The following SYS1 variants were observed in gnomAD, a reference collection of about 807,000 sequenced individuals.
SYS1 encodes the protein SYS1 golgi trafficking protein, also known as protein SYS1 homolog.
SYS1 carries 8 observed loss-of-function variants against 17.8 expected under a neutral mutation model. The ratio of observed to expected loss-of-function variants is 0.45; its 90% CI spans 0.26 to 0.81. The LOEUF (loss-of-function observed/expected upper bound fraction) is 0.81. Ranked by LOEUF, SYS1 falls within the 40% of genes least tolerant of loss-of-function variation. SYS1 has a pLI of 0.16. For missense variants in SYS1, 161 were observed against 203.9 expected, an observed-to-expected ratio of 0.79 and a Z score of 1.28; for synonymous variants, 95 against 90.9, an observed-to-expected ratio of 1.05 and a Z score of -0.26.
In SYS1 at chr20:45,367,350, G is replaced by A; in HGVS notation, c.*235G>A. ...TTGGTATCTGAGAGGTCAGGAAGGGGACCTCTTTGAGGGTAATAACAGAAT... is the reference window on the plus strand; with the variant it reads ...TTGGTATCTGAGAGGTCAGGAAGGGAACCTCTTTGAGGGTAATAACAGAAT... On this transcript the variant is annotated 3_prime_UTR_variant, in exon 4 of 4. Transcript: ENST00000243918. 2.2e-6 allele frequency: 3 copies of A among 1,367,146 alleles called. No individual in the cohort carries two copies. The South Asian group carries it at 4.9e-5, about 22-fold the overall frequency. The allele number at this position is 1,367,146 out of a possible 1,614,324, so 84.7% of individuals were successfully genotyped here. A position where few individuals can be genotyped will look rare whatever the true frequency, so the allele number is the denominator to read the frequency against.
At chr20:45,363,131 T>C (rs1320183422), upstream of SYS1, 14 of 1,016,700 alleles carry the variant, frequency 1.4e-5, no homozygotes, top group South Asian at 3.7e-5. Flanking sequence ...GCCCCGCCCC[T>C]CCGCTGCTTT....
Position 45,366,988 on chromosome 20 carries a change from CGGCGCTGACCTGGT to C in SYS1, c.348_361del (p.Leu117GlyfsTer32). ...TGGTTCTACAGCTCCCGTTTCCCCT[CGGCGCTGACCTGGT>C]GGCTGGTCCAAGCCGTGTGCATTGC... On this transcript the variant is annotated frameshift_variant, in exon 4 of 4. Coordinates refer to ENST00000243918, the MANE Select transcript of SYS1 (RefSeq NM_033542.4). LOFTEE classifies it high-confidence loss of function. 1 of 1,614,206 alleles carries C rather than the reference CGGCGCTGACCTGGT, an allele frequency of 6.2e-7. No homozygotes were observed. The highest frequency in any genetic ancestry group is 8.5e-7 in the Non-Finnish European group (1 of 1,180,030).
At chr20:45,375,036 C>T in exon 4 of SYS1, 1 of 1,610,328 alleles carries the variant, frequency 6.2e-7, no homozygotes. Context: ...TTGTCACACC[C>T]ACCTTGTATG....
Position 45,368,883 on chromosome 20 carries a change from T to C in SYS1, c.*1768T>C. On this transcript the variant is annotated 3_prime_UTR_variant, in exon 4 of 4. Coordinates refer to ENST00000243918, the MANE Select transcript of SYS1 (RefSeq NM_033542.4). Reference sequence around the variant, plus strand: ...CAGCCGTGGTGGTGGTTACTCCATCTGTGGTTGGAGCGCCTCTTTGGGATT... The same window carrying C: ...CAGCCGTGGTGGTGGTTACTCCATCCGTGGTTGGAGCGCCTCTTTGGGATT... 7 of 985,366 alleles carry C rather than the reference T, an allele frequency of 7.1e-6. No homozygotes were observed. The highest frequency in any genetic ancestry group is 8.4e-6 in the Non-Finnish European group (7 of 829,840). The allele number at this position is 985,366 out of a possible 1,614,324, so 61.0% of individuals were successfully genotyped here. A position where few individuals can be genotyped will look rare whatever the true frequency, so the allele number is the denominator to read the frequency against.
upstream of SYS1, among the ~76,000 whole-genome samples, chr20:45,362,706 C>T (rs567085788): frequency 2.0e-5 from 3 of 152,168 alleles, no homozygotes; most frequent in Non-Finnish European, 4.4e-5. Flanking sequence ...CTAACTGTGT[C>T]GTTGAAACAG....
In SYS1 at chr20:45,367,482, C is replaced by T; in HGVS notation, c.*367C>T. ...TGGAGCAAACCACTTCTTTAGTCAT[C>T]TGTCTTACCCCCCTGGGACAGCTGT... On this transcript the variant is annotated 3_prime_UTR_variant, in exon 4 of 4. Transcript: ENST00000243918. 1.9e-6 allele frequency: 2 copies of T among 1,059,336 alleles called. No homozygotes were observed. The highest frequency in any genetic ancestry group is 2.3e-6 in the Non-Finnish European group (2 of 877,862). 65.6% of individuals were successfully genotyped at this position (1,059,336 alleles called of 1,614,324 possible).
At chr20:45,370,600 T>C (rs534490277), downstream of SYS1, among the ~76,000 whole-genome samples, 1 of 152,072 alleles carries the variant, frequency 6.6e-6, no homozygotes, top group South Asian at 2.1e-4. Flanking sequence ...AATGGGAAGC[T>C]CCAGGACTCC....
In SYS1 at chr20:45,369,011, G is replaced by A; in HGVS notation, c.*1896G>A. ...TTTTAGAAATGGCCAAAAGTCACGT[G>A]ATCCAAACTTTTTTTCAGTAATATG... On this transcript the variant is annotated 3_prime_UTR_variant, in exon 4 of 4. Transcript: ENST00000243918. 2.3e-6 allele frequency: 1 copy of A among 429,200 alleles called. No individual in the cohort carries two copies. Among genetic ancestry groups the A allele is most frequent in the Non-Finnish European group, 3.1e-6 (1 of 321,168 alleles). The allele number at this position is 429,200 out of a possible 1,614,324, so 26.6% of individuals were successfully genotyped here.
At chr20:45,374,853 C>T (rs745957053) in exon 4 of SYS1, 2 of 744,982 alleles carry the variant, frequency 2.7e-6, no homozygotes, top group Non-Finnish European at 4.3e-6. Flanking sequence ...AACCTAGTCA[C>T]TACCCTTCTG....
downstream of SYS1, among the ~76,000 whole-genome samples, chr20:45,372,300 G>A (rs1197900244): frequency 2.6e-5 from 4 of 152,170 alleles, no homozygotes; most frequent in Admixed American, 1.3e-4. Context: ...CCCCGCCTTC[G>A]TATACAGCCC....
downstream of SYS1, chr20:45,373,742 T>C (rs1250362398): frequency 3.1e-6 from 2 of 638,644 alleles, no homozygotes; most frequent in Non-Finnish European, 2.7e-6. Flanking sequence ...GCTCGCTGGC[T>C]TCTTTGGTTC....
At chr20:45,365,218 G>A in intron 2 of SYS1, 2 of 322,984 alleles carry the variant, frequency 6.2e-6, no homozygotes, top group East Asian at 8.0e-5. Context: ...TAGCACAGAA[G>A]GCTGCTATAG....
downstream of SYS1, among the ~76,000 whole-genome samples, chr20:45,371,294 C>T (rs935551409): frequency 5.9e-5 from 9 of 152,136 alleles, no homozygotes; most frequent in African/African-American, 1.4e-4. Context: ...GCCCCTGGCA[C>T]GTAGGAAGTG....
intron 3 of SYS1, chr20:45,374,282 T>A: frequency 1.5e-6 from 1 of 678,144 alleles, no homozygotes; most frequent in Non-Finnish European, 2.7e-6. Context: ...TTTTCCTTTC[T>A]TTTTTTTTAA....
chr20:45,374,361 T>C (rs1405724138), exon 4 of SYS1: 1 of 658,002 alleles, frequency 1.5e-6, no homozygotes. Context: ...CAGCCTCGAC[T>C]CCTGGGCTTA....
chr20:45,373,619 C>A (rs772429441), downstream of SYS1: 3 of 447,408 alleles, frequency 6.7e-6, no homozygotes, highest in Admixed American at 1.0e-4. Flanking sequence ...TTTCCTCTTG[C>A]GAGCTCGCGG....
intron 2 of SYS1, 53 bp from the exon 3 acceptor site, chr20:45,365,566 G>A (rs1218415312): frequency 6.4e-7 from 1 of 1,564,992 alleles, no homozygotes; most frequent in East Asian, 2.2e-5. Flanking sequence ...TGAGATCCTG[G>A]GGCTCTGCCA....
At position 45,363,555 on chromosome 20, in the gene SYS1, C is replaced by T. The variant is rs1266583873; in HGVS notation, c.24C>T (p.Tyr8=). The T allele has an allele frequency of 9.5e-6, 15 of 1,577,756 alleles. No individual in the cohort carries two copies. Among genetic ancestry groups the T allele is most frequent in the African/African-American group, 4.0e-5 (3 of 74,250 alleles). MAGQFRS[Y]VWDPLLILSQ... ...GCATGGCGGGTCAGTTCCGCAGCTA[C>T]GTGTGGGACCCGCTGCTGATCCTGT... Residue 8 remains tyrosine, a synonymous_variant, in exon 2 of 4, where the codon TAC becomes TAT. Transcript: ENST00000243918.
chr20:45,366,958 G>T lies in SYS1; in HGVS notation c.314G>T (p.Gly105Val). Residue 105 changes from glycine to valine, a missense_variant, in exon 4 of 4, where the codon GGC (glycine) becomes GTC (valine). Coordinates refer to ENST00000243918, the MANE Select transcript of SYS1 (RefSeq NM_033542.4). ...TVTVHFFHLLGCWFYSSRFPS... is the reference protein window; with the variant it reads ...TVTVHFFHLLVCWFYSSRFPS... ...ACTGTCCATTTCTTTCACCTCCTGG[G>T]CTGCTGGTTCTACAGCTCCCGTTTC... The T allele has an allele frequency of 1.2e-6, 2 of 1,614,168 alleles. No homozygotes were observed. Among genetic ancestry groups the T allele is most frequent in the Non-Finnish European group, 1.7e-6 (2 of 1,180,026 alleles).
Sources: gnomAD v4.1 joint callset for allele counts (sites outside exome capture counted in the v4.1 genomes callset) on GRCh38, gnomAD v4.1.1 for gene constraint, MANE v1.5 for transcripts, NCBI Gene and HGNC (gene_info 2026-07-23, HGNC 2026-07-21) for gene names.